Variants in CES1 observed in about 807,000 individuals in gnomAD.
The protein encoded by CES1 is liver carboxylesterase 1.
Under a neutral mutation model 53.0 loss-of-function variants are expected in CES1, and 50 were observed. The ratio of observed to expected loss-of-function variants is 0.94; its 90% confidence interval spans 0.75 to 1.19. The LOEUF is 1.19. CES1 is among the 50% of genes most tolerant of loss of function. The pLI is 0.00. For synonymous variants in CES1, 202 were observed against 210.1 expected (o/e 0.96, Z 0.33); for missense variants, 534 against 538.0 (o/e 0.99, Z 0.07).
chr16:55,826,105 G>C, intron 3 of CES1, 46 bp downstream of exon 3: 1 of 1,613,174 alleles, frequency 6.2e-7, no homozygotes, highest in African/African-American at 1.3e-5. Context: ...AGAAGATGCG[G>C]GGTACTGGCA....
intron 10 of CES1, 118 bp from the exon 11 acceptor site, chr16:55,810,782 G>T: frequency 6.9e-7 from 1 of 1,455,226 alleles, no homozygotes; most frequent in Non-Finnish European, 9.7e-7. Context: ...CCCCGCTAGG[G>T]TGGAAAATGA....
Position 55,813,067 on chromosome 16 carries a change from C to G in CES1, c.946-24G>C, listed in dbSNP as rs765543061. On this transcript the variant is annotated intron_variant, in intron 8 of 13. Coordinates refer to ENST00000360526, the MANE Select transcript of CES1 (RefSeq NM_001025195.2). ...CTCTGGGGAGAGAGCAGTGCAGCACCTGTGATTCCCTCCCTAGTCACACCC... is the reference window on the plus strand; with the variant it reads ...CTCTGGGGAGAGAGCAGTGCAGCACGTGTGATTCCCTCCCTAGTCACACCC... 4 of 1,613,608 alleles carry G rather than the reference C, an allele frequency of 2.5e-6. No homozygotes were observed. In the South Asian group the frequency reaches 4.4e-5, roughly 18 times the overall value.
At chr16:55,811,312 C>A (rs1287576739) in intron 9 of CES1, among the ~76,000 whole-genome samples, 6 of 151,752 alleles carry the variant, frequency 4.0e-5, no homozygotes, top group African/African-American at 1.5e-4. Context: ...GGCTGGGATC[C>A]CTACAGTGGT....
At chr16:55,809,258 T>C (rs543667052) in intron 11 of CES1, among the ~76,000 whole-genome samples, 1 of 152,300 alleles carries the variant, frequency 6.6e-6, no homozygotes, top group South Asian at 2.1e-4. Context: ...CAGATTCAAC[T>C]CCAGTGGTCT....
At chr16:55,810,180 T>C (rs1405869212) in intron 11 of CES1, among the ~76,000 whole-genome samples, 1 of 152,172 alleles carries the variant, frequency 6.6e-6, no homozygotes, top group African/African-American at 2.4e-5. Context: ...TGGTGTTTCC[T>C]TGAGTTTCCC....
At position 55,817,028 on chromosome 16, in the gene CES1, G is replaced by C. The variant is rs74019275; in HGVS notation, c.907-66C>G. On this transcript the variant is annotated intron_variant, in intron 7 of 13. Transcript: ENST00000360526. ...CAGGAGAACACTGAGCTGGGTGAGT[G>C]GGGCAACAGAGGTGTCAGGTTCTTC... The C allele has an allele frequency of 8.3e-6, 13 of 1,558,612 alleles. No homozygotes were observed. The African/African-American group carries it at 1.6e-4, about 20-fold the overall frequency.
chr16:55,829,584 C>G lies in CES1; in HGVS notation c.53-610G>C, dbSNP rs543172646. Among the ~76,000 whole-genome samples, 12 of 152,346 alleles carry G rather than the reference C, an allele frequency of 7.9e-5. No homozygotes were observed. The East Asian group carries it at 2.3e-3, about 29-fold the overall frequency. On this transcript the variant is annotated intron_variant, in intron 1 of 13. Transcript: ENST00000360526. The stretch of plus-strand genomic sequence containing the variant: ...GCAGAGAGAAGGGAATTTGCTGAGG[C>G]TCAGAGCAGCAGAATGCAGAGCCTG...
At chr16:55,812,785 A>G in intron 9 of CES1, 118 bp downstream of exon 9, 2 of 1,440,066 alleles carry the variant, frequency 1.4e-6, no homozygotes, top group South Asian at 1.1e-5. Context: ...ACTCCTGCTG[A>G]AGGGAACAGC....
intron 1 of CES1, among the ~76,000 whole-genome samples, chr16:55,831,173 A>G (rs2032653797): frequency 6.6e-6 from 1 of 152,340 alleles, no homozygotes; most frequent in South Asian, 2.1e-4. Flanking sequence ...AACAAAGGTC[A>G]AACACAGGGA....
chr16:55,821,826 A>G lies in CES1; in HGVS notation c.540-305T>C, dbSNP rs563678804. ...AATTCCCACTACAGATCACAAGCAG[A>G]TAAACAGATACATAGAGAGAATATA... On this transcript the variant is annotated intron_variant, in intron 4 of 13. Transcript: ENST00000360526. Among the ~76,000 whole-genome samples, 6 of 152,324 alleles carry G rather than the reference A, an allele frequency of 3.9e-5. No homozygotes were observed. In the South Asian group the frequency reaches 6.2e-4, roughly 16 times the overall value.
Position 55,811,020 on chromosome 16 carries a change from A to G in CES1, c.1087-10T>C. Reference sequence around the variant, plus strand: ...GATAGCTCATCAACTGCTAAAAAAAAAAAAAAGTTCAGCATTTATGAATCA... The same window carrying G: ...GATAGCTCATCAACTGCTAAAAAAAGAAAAAAGTTCAGCATTTATGAATCA... On this transcript the variant is annotated splice_polypyrimidine_tract_variant and intron_variant, in intron 9 of 13. Coordinates refer to ENST00000360526, the MANE Select transcript of CES1 (RefSeq NM_001025195.2). The G allele has an allele frequency of 6.2e-7, 1 of 1,606,656 alleles. No individual in the cohort carries two copies. Among genetic ancestry groups the G allele is most frequent in the Non-Finnish European group, 8.5e-7 (1 of 1,173,764 alleles).
intron 7 of CES1, 94 bp from the exon 8 acceptor site, chr16:55,817,056 G>C: frequency 7.6e-7 from 1 of 1,324,224 alleles, no homozygotes; most frequent in Non-Finnish European, 1.1e-6. Flanking sequence ...GGTTCTTCCC[G>C]CATCACTCCG....
intron 3 of CES1, among the ~76,000 whole-genome samples, chr16:55,825,019 G>C (rs2142345774): frequency 6.6e-6 from 1 of 152,320 alleles, no homozygotes; most frequent in South Asian, 2.1e-4. Flanking sequence ...GAGCCTGAGG[G>C]CTGGCCTGCA....
At chr16:55,820,745 T>G (rs1323191159) in intron 5 of CES1, among the ~76,000 whole-genome samples, 4 of 151,962 alleles carry the variant, frequency 2.6e-5, no homozygotes, top group African/African-American at 9.7e-5. Flanking sequence ...CAAGGTTGTG[T>G]CTATGACCCA....
intron 11 of CES1, among the ~76,000 whole-genome samples, chr16:55,809,161 A>G (rs2031573338): frequency 6.6e-6 from 1 of 151,400 alleles, no homozygotes; most frequent in Admixed American, 6.6e-5. Flanking sequence ...TAAGTTCAGT[A>G]TTGCTCAAAC....
intron 11 of CES1, among the ~76,000 whole-genome samples, chr16:55,809,494 TCTC>T (rs2031591706): frequency 6.6e-6 from 1 of 152,120 alleles, no homozygotes. Flanking sequence ...ATCCTGTGAA[TCTC>T]CTCTAGCTGG....
chr16:55,824,116 C>G (rs1299871261), intron 3 of CES1, among the ~76,000 whole-genome samples: 22 of 152,312 alleles, frequency 1.4e-4, no homozygotes, highest in African/African-American at 5.1e-4. Context: ...AAGTAAACTT[C>G]TCTGTGCATG....
intron 1 of CES1, among the ~76,000 whole-genome samples, chr16:55,829,638 A>T (rs2032562304): frequency 6.6e-6 from 1 of 152,250 alleles, no homozygotes; most frequent in South Asian, 2.1e-4. Context: ...GCCCACATGC[A>T]CCAGGTGGAG....
At chr16:55,827,513 G>A (rs186186295) in intron 2 of CES1, among the ~76,000 whole-genome samples, 7 of 152,090 alleles carry the variant, frequency 4.6e-5, no homozygotes, top group Admixed American at 3.3e-4. Context: ...GGAATATTTT[G>A]GGAGGGAAAT....
Sources: gnomAD v4.1 joint callset for allele counts (sites outside exome capture counted in the v4.1 genomes callset) on GRCh38, gnomAD v4.1.1 for gene constraint, MANE v1.5 for transcripts, NCBI Gene and HGNC (gene_info 2026-07-23, HGNC 2026-07-21) for gene names.